Variants in CYYR1 observed in about 807,000 individuals in gnomAD.
The protein encoded by CYYR1 is cysteine and tyrosine-rich protein 1.
CYYR1 carries 14 observed loss-of-function variants against 15.2 expected under a neutral mutation model. That is an observed-to-expected ratio of 0.92 (90% CI 0.61 to 1.44). CYYR1 has a LOEUF of 1.44. Ranked by LOEUF, CYYR1 falls within the 40% of genes most tolerant of loss-of-function variation. CYYR1 has a pLI of 0.00. For synonymous variants in CYYR1, 80 were observed against 77.4 expected (o/e 1.03, Z -0.18); for missense variants, 228 against 209.5 (o/e 1.09, Z -0.54).
intron 2 of CYYR1, among the ~76,000 whole-genome samples, chr21:26,554,279 C>G (rs756274523): frequency 1.1e-4 from 16 of 152,238 alleles, no homozygotes; most frequent in Non-Finnish European, 1.9e-4. Flanking sequence ...CATTGGAATT[C>G]TTTAATGAAT....
intron 2 of CYYR1, among the ~76,000 whole-genome samples, chr21:26,507,082 T>C (rs1177420787): frequency 1.3e-5 from 2 of 152,220 alleles, no homozygotes; most frequent in Non-Finnish European, 2.9e-5. Context: ...GATTTGCACT[T>C]GAGTATGCTC....
chr21:26,560,189 A>T (rs1009053593), intron 2 of CYYR1, among the ~76,000 whole-genome samples: 1 of 152,214 alleles, frequency 6.6e-6, no homozygotes, highest in Non-Finnish European at 1.5e-5. Flanking sequence ...TACTGGATAT[A>T]TTATAGTTTT....
In CYYR1 at chr21:26,562,799, AAC is replaced by A. The variant is rs57351372; in HGVS notation, c.176+3465_176+3466del. Among the ~76,000 whole-genome samples, 739 of 132,522 alleles carry A rather than the reference AAC, an allele frequency of 5.6e-3. 5 individuals are homozygous for A. Among genetic ancestry groups the A allele is most frequent in the Admixed American group, 7.4e-3 (99 of 13,334 alleles). The allele number at this position is 132,522 out of a possible 152,430, so 86.9% of individuals were successfully genotyped here. A position where few individuals can be genotyped will look rare whatever the true frequency, so the allele number is the denominator to read the frequency against. The stretch of plus-strand genomic sequence containing the variant: ...ACACACACACACAGAGACATACACA[AAC>A]ACACACACACACACACACACACACA... On this transcript the variant is annotated intron_variant, in intron 2 of 3. Transcript: ENST00000652641.
Position 26,484,360 on chromosome 21 carries a change from T to C in CYYR1, c.177-3931A>G, listed in dbSNP as rs115152961. On this transcript the variant is annotated intron_variant, in intron 2 of 3. Coordinates refer to ENST00000652641, the MANE Select transcript of CYYR1 (RefSeq NM_001320768.2). ...AGAGGATATTTTCTCTCTAACACTT[T>C]TCCCCACCTACATACAAAAATAGAA... Among the ~76,000 whole-genome samples the C allele has an allele frequency of 9.9e-3, 1,507 of 152,202 alleles. 32 individuals are homozygous for C. Among genetic ancestry groups the C allele is most frequent in the African/African-American group, 0.035 (1,445 of 41,538 alleles).
chr21:26,504,805 C>T (rs962156487), intron 2 of CYYR1, among the ~76,000 whole-genome samples: 2 of 152,118 alleles, frequency 1.3e-5, no homozygotes, highest in South Asian at 2.1e-4. Flanking sequence ...CATCCGATTC[C>T]CTGACTACCC....
At chr21:26,526,415 T>A (rs556374823) in intron 2 of CYYR1, among the ~76,000 whole-genome samples, 28 of 151,998 alleles carry the variant, frequency 1.8e-4, no homozygotes, top group Non-Finnish European at 3.2e-4. Flanking sequence ...GCCACTGTAC[T>A]CCAGCCTGGG....
At chr21:26,572,410 G>C (rs945677469) in intron 1 of CYYR1, among the ~76,000 whole-genome samples, 2 of 152,152 alleles carry the variant, frequency 1.3e-5, no homozygotes, top group African/African-American at 4.8e-5. Context: ...CCTTGTGTTT[G>C]ACTTCAGTCC....
At chr21:26,543,684 T>C (rs1164377254) in intron 2 of CYYR1, among the ~76,000 whole-genome samples, 1 of 152,112 alleles carries the variant, frequency 6.6e-6, no homozygotes, top group Non-Finnish European at 1.5e-5. Flanking sequence ...GGCGGGTGGA[T>C]CACCTGAGGT....
At chr21:26,490,320 A>G (rs1172664315) in intron 2 of CYYR1, among the ~76,000 whole-genome samples, 1 of 151,914 alleles carries the variant, frequency 6.6e-6, no homozygotes, top group African/African-American at 2.4e-5. Context: ...AAAAAAATAT[A>G]TATATATTGA....
chr21:26,500,411 C>T (rs754462635), intron 2 of CYYR1, among the ~76,000 whole-genome samples: 3 of 152,074 alleles, frequency 2.0e-5, no homozygotes, highest in Non-Finnish European at 4.4e-5. Flanking sequence ...GGCAATGGGC[C>T]ACAATAGGAG....
chr21:26,483,729 C>A (rs73349219), intron 2 of CYYR1, among the ~76,000 whole-genome samples: 1 of 152,084 alleles, frequency 6.6e-6, no homozygotes, highest in Non-Finnish European at 1.5e-5. Context: ...TGGAGGCTTA[C>A]GGGTTTAAGT....
rs1236987252 is a variant in CYYR1 at position 26,573,246 on chromosome 21, A to G, written c.-306T>C. The G allele has an allele frequency of 7.3e-7, 1 of 1,368,530 alleles. No homozygotes were observed. The highest frequency in any genetic ancestry group is 9.6e-7 in the Non-Finnish European group (1 of 1,046,720). 84.8% of individuals were successfully genotyped at this position (1,368,530 alleles called of 1,614,324 possible). A position where few individuals can be genotyped will look rare whatever the true frequency, so the allele number is the denominator to read the frequency against. On this transcript the variant is annotated 5_prime_UTR_variant, in exon 1 of 4. Transcript: ENST00000652641. ...GGCGGCCACTCCGGCGTCCTTGGCC[A>G]CCCAGGCTCACATTTCATCTCCGCG...
chr21:26,549,825 T>A (rs1227213634), intron 2 of CYYR1, among the ~76,000 whole-genome samples: 1 of 152,184 alleles, frequency 6.6e-6, no homozygotes, highest in Non-Finnish European at 1.5e-5. Flanking sequence ...AACAAAAATT[T>A]AAAAAGAATA....
At chr21:26,502,787 T>A (rs2065499359) in intron 2 of CYYR1, among the ~76,000 whole-genome samples, 1 of 151,956 alleles carries the variant, frequency 6.6e-6, no homozygotes, top group African/African-American at 2.4e-5. Context: ...TAGGTAATGT[T>A]GGAGAAGAGA....
intron 2 of CYYR1, among the ~76,000 whole-genome samples, chr21:26,542,263 G>A (rs1235257974): frequency 7.5e-6 from 1 of 133,804 alleles, no homozygotes; most frequent in Non-Finnish European, 1.6e-5. Flanking sequence ...GAGAGAAAGA[G>A]AGAGAGAGAG....
intron 2 of CYYR1, chr21:26,482,134 A>C (rs2065189646): frequency 3.1e-6 from 1 of 320,350 alleles, no homozygotes; most frequent in Admixed American, 6.5e-5. Context: ...GGGAATGCAG[A>C]TCTCTCAGAC....
intron 2 of CYYR1, among the ~76,000 whole-genome samples, chr21:26,484,089 A>T (rs1042588764): frequency 6.6e-6 from 1 of 152,150 alleles, no homozygotes; most frequent in East Asian, 1.9e-4. Context: ...AAGAAAATAC[A>T]TACACTACGC....
intron 2 of CYYR1, among the ~76,000 whole-genome samples, chr21:26,486,916 A>G (rs1601739932): frequency 6.6e-6 from 1 of 152,036 alleles, no homozygotes; most frequent in East Asian, 1.9e-4. Context: ...CCAGAGTAAT[A>G]TTTATCTTCT....
At chr21:26,494,563 T>C (rs1201663650) in intron 2 of CYYR1, among the ~76,000 whole-genome samples, 1 of 152,176 alleles carries the variant, frequency 6.6e-6, no homozygotes, top group Non-Finnish European at 1.5e-5. Flanking sequence ...AGATATACTT[T>C]TGTCTCAAAG....
Sources: allele counts gnomAD v4.1 joint callset (sites outside exome capture counted in the v4.1 genomes callset), GRCh38; gene constraint gnomAD v4.1.1; transcripts MANE v1.5; gene names NCBI Gene and HGNC (gene_info 2026-07-23, HGNC 2026-07-21).